MEAF6: variants seen among roughly 807,000 people sequenced by gnomAD.
The protein encoded by MEAF6 is chromatin modification-related protein MEAF6.
MEAF6 carries 15 observed loss-of-function variants against 28.9 expected under a neutral mutation model. The observed-to-expected ratio is 0.52, with a 90% CI of 0.35 to 0.80. The LOEUF is 0.80. MEAF6 is among the 30% of genes least tolerant of loss of function. MEAF6 has a pLI of 0.01. For missense variants in MEAF6, 178 were observed against 237.5 expected (o/e 0.75, Z 1.65); for synonymous variants, 97 against 88.7 (o/e 1.09, Z -0.53).
intron 4 of MEAF6, among the ~76,000 whole-genome samples, chr1:37,506,679 G>A (rs1003244271): frequency 6.6e-6 from 1 of 152,152 alleles, no homozygotes; most frequent in Non-Finnish European, 1.5e-5. Flanking sequence ...CATCTCGCCA[G>A]CCTTTTCAGG....
In MEAF6 at chr1:37,509,460, C is replaced by T; in HGVS notation, c.289G>A (p.Ala97Thr). ...CCCCCACCACCACTACTTACAGCTGCTGAGGTAACCGAGGATTTACTGAAG... is the reference window on the plus strand; with the variant it reads ...CCCCCACCACCACTACTTACAGCTGTTGAGGTAACCGAGGATTTACTGAAG... ...RLFSKSSVTS[A>T]AAVSALAGVQ... Residue 97 changes from alanine (A) to threonine (T), a missense_variant, in exon 3 of 7, where the codon GCA (alanine) becomes ACA (threonine). This residue lies in a region of MEAF6 where 124 missense variants were observed against 200.5 expected (regional missense o/e 0.62). Transcript: ENST00000296214. 1 of 1,613,962 alleles carries T rather than the reference C, an allele frequency of 6.2e-7. No homozygotes were observed. The highest frequency in any genetic ancestry group is 8.5e-7 in the Non-Finnish European group (1 of 1,179,930).
At position 37,509,396 on chromosome 1, in the gene MEAF6, GA is replaced by G. The variant is rs1642591132; in HGVS notation, c.294+58del. ...AAGAGCACTCCCAGAGGAAGGTAAA[GA>G]AAAAACACATTCCCCAACAACAGGC... On this transcript the variant is annotated intron_variant, in intron 3 of 6. Transcript: ENST00000296214. 1.6e-5 allele frequency: 25 copies of G among 1,607,886 alleles called. No individual in the cohort carries two copies. In the Middle Eastern group the frequency reaches 5.0e-4, roughly 32 times the overall value.
At chr1:37,504,222 C>T (rs1319572380) in intron 4 of MEAF6, among the ~76,000 whole-genome samples, 1 of 152,180 alleles carries the variant, frequency 6.6e-6, no homozygotes, top group Non-Finnish European at 1.5e-5. Flanking sequence ...CCTTCACCTT[C>T]CTCCATGATT....
chr1:37,503,135 C>A (rs1452428752), intron 4 of MEAF6, among the ~76,000 whole-genome samples: 3 of 151,908 alleles, frequency 2.0e-5, no homozygotes, highest in African/African-American at 4.8e-5. Flanking sequence ...TGGGGTCTTA[C>A]TATGTTGCCC....
In MEAF6 at chr1:37,490,856, C is replaced by A. The variant is rs966784676; in HGVS notation, c.*3243G>T. On this transcript the variant is annotated 3_prime_UTR_variant, in exon 7 of 7. Coordinates refer to ENST00000296214, the MANE Select transcript of MEAF6 (RefSeq NM_001270875.3). ...CCTGGCCAATATGGTGAAACCCGGTCTCTATTGAAAATAAAAAAAAACTAG... is the reference window on the plus strand; with the variant it reads ...CCTGGCCAATATGGTGAAACCCGGTATCTATTGAAAATAAAAAAAAACTAG... Among the ~76,000 whole-genome samples the A allele has an allele frequency of 6.7e-6, 1 of 150,188 alleles. No homozygotes were observed. The highest frequency in any genetic ancestry group is 2.4e-5 in the African/African-American group (1 of 41,178).
chr1:37,510,140 A>C (rs1289692269), intron 2 of MEAF6, among the ~76,000 whole-genome samples: 5 of 150,092 alleles, frequency 3.3e-5, no homozygotes, highest in African/African-American at 1.2e-4. Flanking sequence ...TACAATGGGA[A>C]ATCTCAGCTC....
Position 37,492,023 on chromosome 1 carries a change from G to A in MEAF6, c.*2076C>T, listed in dbSNP as rs189160070. ...ATCTCTAGCAATCTCAAACTGTTAA[G>A]AGTCAAAAATATTTTTTTTTTTTGA... is the stretch of plus-strand genomic sequence containing the variant. On this transcript the variant is annotated 3_prime_UTR_variant, in exon 7 of 7. Coordinates refer to ENST00000296214, the MANE Select transcript of MEAF6 (RefSeq NM_001270875.3). Among the ~76,000 whole-genome samples the A allele has an allele frequency of 1.4e-5, 2 of 145,042 alleles. No individual in the cohort carries two copies. The highest frequency in any genetic ancestry group is 3.0e-5 in the Non-Finnish European group (2 of 66,476).
At chr1:37,503,998 G>A (rs577585116) in intron 4 of MEAF6, among the ~76,000 whole-genome samples, 11 of 152,172 alleles carry the variant, frequency 7.2e-5, no homozygotes, top group Non-Finnish European at 1.6e-4. Context: ...TTGGCTCTGT[G>A]TCCCTACCTA....
intron 4 of MEAF6, among the ~76,000 whole-genome samples, chr1:37,503,091 T>C (rs1642367956): frequency 6.6e-6 from 1 of 151,592 alleles, no homozygotes; most frequent in African/African-American, 2.4e-5. Flanking sequence ...TACCGGCACA[T>C]GCCACCACAC....
intron 4 of MEAF6, among the ~76,000 whole-genome samples, chr1:37,502,419 T>C (rs994809321): frequency 6.6e-6 from 1 of 151,918 alleles, no homozygotes; most frequent in Non-Finnish European, 1.5e-5. Context: ...TGTTATTGAG[T>C]TTGCTTTTAT....
intron 2 of MEAF6, 72 bp downstream of exon 2, chr1:37,513,351 C>T: frequency 8.4e-7 from 1 of 1,186,598 alleles, no homozygotes; most frequent in South Asian, 1.3e-5. Flanking sequence ...AAAGTTGCCA[C>T]TAAGAGCATA....
At chr1:37,513,392 A>C (rs775743549) in intron 2 of MEAF6, 31 bp downstream of exon 2, 2 of 1,564,672 alleles carry the variant, frequency 1.3e-6, no homozygotes, top group East Asian at 4.5e-5. Flanking sequence ...ACTAGGGCAC[A>C]ATAGGAACAC....
At position 37,492,532 on chromosome 1, in the gene MEAF6, C is replaced by T. The variant is rs2148056033; in HGVS notation, c.*1567G>A. 8.8e-6 allele frequency: 1 copy of T among 113,176 alleles called. No individual in the cohort carries two copies. The highest frequency in any genetic ancestry group is 2.8e-4 in the South Asian group (1 of 3,538). The allele number at this position is 113,176 out of a possible 1,614,324, so 7.0% of individuals were successfully genotyped here. On this transcript the variant is annotated 3_prime_UTR_variant, in exon 7 of 7. Coordinates refer to ENST00000296214, the MANE Select transcript of MEAF6 (RefSeq NM_001270875.3). ...GACACTGGAGTTCTGCTACCAAAGA[C>T]ACAGTCAAAGATCTAAATAGCCAGA...
At chr1:37,494,145 G>A (rs767957314) in intron 6 of MEAF6, 38 bp from the exon 7 acceptor site, 2 of 1,575,528 alleles carry the variant, frequency 1.3e-6, no homozygotes, top group Non-Finnish European at 8.7e-7. Flanking sequence ...CTTACTCTCG[G>A]CAGAACAGTT....
intron 4 of MEAF6, among the ~76,000 whole-genome samples, chr1:37,504,800 T>TAC (rs143477333): frequency 0.35 from 47,302 of 134,810 alleles, 8,587 homozygotes; most frequent in East Asian, 0.54. Flanking sequence ...AAAATTTATA[T>TAC]ACACACACAC....
chr1:37,509,080 G>A (rs1441417818), intron 4 of MEAF6, among the ~76,000 whole-genome samples, 198 bp downstream of exon 4: 1 of 152,174 alleles, frequency 6.6e-6, no homozygotes, highest in Non-Finnish European at 1.5e-5. Context: ...TTGGGCTATA[G>A]TGAGACCTTG....
intron 5 of MEAF6, among the ~76,000 whole-genome samples, chr1:37,498,574 C>T (rs971573237): frequency 7.2e-5 from 11 of 151,812 alleles, no homozygotes; most frequent in African/African-American, 2.4e-4. Flanking sequence ...AGACTACAGG[C>T]ATGCCATCAC....
chr1:37,509,777 C>T (rs1336587459), intron 2 of MEAF6, among the ~76,000 whole-genome samples: 2 of 151,948 alleles, frequency 1.3e-5, no homozygotes, highest in South Asian at 2.1e-4. Context: ...TATTTATTTA[C>T]TTATTTATTT....
At chr1:37,514,482 G>A (rs911358705) in intron 1 of MEAF6, 175 bp downstream of exon 1, 18 of 386,572 alleles carry the variant, frequency 4.7e-5, no homozygotes, top group African/African-American at 3.4e-4. Context: ...GCACAGCCGG[G>A]AAGCTGAACC....
Sources: gnomAD v4.1 joint callset for allele counts (sites outside exome capture counted in the v4.1 genomes callset) on GRCh38, gnomAD v4.1.1 for gene constraint, gnomAD v4.1.1 regional missense constraint, MANE v1.5 for transcripts, NCBI Gene and HGNC (gene_info 2026-07-23, HGNC 2026-07-21) for gene names.